FARP1: variants seen among roughly 807,000 people sequenced by gnomAD.
The protein encoded by FARP1 is FERM, ARHGEF and pleckstrin domain-containing protein 1.
In FARP1, 52 loss-of-function variants were observed where a neutral mutation model predicts 128.8. The observed-to-expected ratio is 0.40, with a 90% CI of 0.32 to 0.51. The LOEUF (loss-of-function observed/expected upper bound fraction) is 0.51. FARP1 is among the 20% of genes least tolerant of loss of function. FARP1 has a pLI of 0.45. For missense variants in FARP1, 1,333 were observed against 1,367.9 expected, an observed-to-expected ratio of 0.97 and a Z score of 0.40; for synonymous variants, 580 against 551.8, an observed-to-expected ratio of 1.05 and a Z score of -0.72.
intron 6 of FARP1, among the ~76,000 whole-genome samples, chr13:98,378,859 A>T (rs1187149372): frequency 2.1e-5 from 3 of 142,646 alleles, no homozygotes; most frequent in Non-Finnish European, 3.0e-5. Context: ...ACAAAAAAAT[A>T]GGTATCTTTA....
At chr13:98,225,449 G>A (rs1300559013) in intron 2 of FARP1, among the ~76,000 whole-genome samples, 1 of 152,070 alleles carries the variant, frequency 6.6e-6, no homozygotes, top group Non-Finnish European at 1.5e-5. Context: ...GAGAACTCTC[G>A]CTCCAAGTAC....
intron 2 of FARP1, among the ~76,000 whole-genome samples, chr13:98,243,295 C>T (rs999163835): frequency 1.7e-4 from 26 of 152,084 alleles, no homozygotes; most frequent in Non-Finnish European, 3.1e-4. Flanking sequence ...TATACCAAAG[C>T]GTGGTGCATT....
At chr13:98,260,218 G>A (rs986815790) in intron 2 of FARP1, among the ~76,000 whole-genome samples, 2 of 152,122 alleles carry the variant, frequency 1.3e-5, no homozygotes, top group African/African-American at 4.8e-5. Context: ...ATTCTAGGTA[G>A]GTGCTGCACA....
At chr13:98,322,628 A>T (rs1887048466) in intron 2 of FARP1, among the ~76,000 whole-genome samples, 1 of 152,208 alleles carries the variant, frequency 6.6e-6, no homozygotes, top group Non-Finnish European at 1.5e-5. Context: ...CATGCTCCTT[A>T]TTGGAAACAG....
At chr13:98,268,153 G>C (rs1884216881) in intron 2 of FARP1, among the ~76,000 whole-genome samples, 1 of 152,166 alleles carries the variant, frequency 6.6e-6, no homozygotes, top group Non-Finnish European at 1.5e-5. Flanking sequence ...AAAATGACAT[G>C]AAATTCACAT....
At chr13:98,258,765 A>T (rs868146338) in intron 2 of FARP1, among the ~76,000 whole-genome samples, 1 of 152,092 alleles carries the variant, frequency 6.6e-6, no homozygotes. Context: ...CTGACATCTA[A>T]TTTCTTACCC....
intron 2 of FARP1, among the ~76,000 whole-genome samples, chr13:98,336,180 T>A (rs1887734538): frequency 6.6e-6 from 1 of 152,190 alleles, no homozygotes; most frequent in Admixed American, 6.5e-5. Flanking sequence ...CAAAACATAC[T>A]CCTGCTTAAA....
At chr13:98,249,683 A>AGGT in intron 2 of FARP1, among the ~76,000 whole-genome samples, 1 of 152,174 alleles carries the variant, frequency 6.6e-6, no homozygotes, top group Non-Finnish European at 1.5e-5. Context: ...GGAGGCAGGA[A>AGGT]GGTAACAAGA....
intron 3 of FARP1, among the ~76,000 whole-genome samples, chr13:98,360,068 A>C (rs1225514689): frequency 7.0e-6 from 1 of 142,262 alleles, no homozygotes; most frequent in Non-Finnish European, 1.5e-5. Context: ...TCAGAATGTG[A>C]GTGTATTCAG....
intron 17 of FARP1, among the ~76,000 whole-genome samples, chr13:98,430,707 T>C (rs1891977319): frequency 6.6e-6 from 1 of 152,232 alleles, no homozygotes; most frequent in East Asian, 1.9e-4. Flanking sequence ...ACAGCCCTCC[T>C]TAAGGAGCTC....
chr13:98,421,327 C>T (rs1463655765), intron 16 of FARP1, among the ~76,000 whole-genome samples: 2 of 152,122 alleles, frequency 1.3e-5, no homozygotes, highest in African/African-American at 2.4e-5. Flanking sequence ...CATTCCCCAC[C>T]GCCCTCGCCC....
At chr13:98,332,111 A>G (rs7339169) in intron 2 of FARP1, among the ~76,000 whole-genome samples, 3,508 of 152,136 alleles carry the variant, frequency 0.023, 70 homozygotes, top group Middle Eastern at 0.051. Context: ...TAACCATTCT[A>G]AGTGTACAGT....
chr13:98,246,656 T>A (rs1376553243), intron 2 of FARP1, among the ~76,000 whole-genome samples: 1 of 152,098 alleles, frequency 6.6e-6, no homozygotes, highest in East Asian at 1.9e-4. Flanking sequence ...AAGTTCTTAG[T>A]CCTGGGTACT....
intron 1 of FARP1, among the ~76,000 whole-genome samples, chr13:98,160,428 A>G (rs285100): frequency 0.54 from 81,631 of 151,988 alleles, 25,161 homozygotes; most frequent in East Asian, 0.73. Flanking sequence ...ATTTCACATG[A>G]GAATGGGCTG....
chr13:98,396,140 G>A, intron 13 of FARP1: 1 of 399,236 alleles, frequency 2.5e-6, no homozygotes, highest in Admixed American at 4.4e-5. Context: ...CTTGGTGGCC[G>A]TGGGAAGTGG....
At chr13:98,279,142 A>C (rs926044569) in intron 2 of FARP1, among the ~76,000 whole-genome samples, 1 of 152,076 alleles carries the variant, frequency 6.6e-6, no homozygotes, top group Non-Finnish European at 1.5e-5. Context: ...GCCCATTTTA[A>C]TGTTTTTTAA....
chr13:98,410,754 G>A lies in FARP1; in HGVS notation c.1623G>A (p.Ala541=), dbSNP rs759172504. The A allele has an allele frequency of 1.2e-4, 188 of 1,600,464 alleles. No individual in the cohort carries two copies. Among genetic ancestry groups the A allele is most frequent in the East Asian group, 3.1e-4 (14 of 44,796 alleles). ...GRRKRFPTDK[A]YFIAKEVSTT... ...TGCAGAGATTCCCAACTGATAAAGCGTACTTCATAGCTAAGGAAGTGTCTA... is the reference window on the plus strand; with the variant it reads ...TGCAGAGATTCCCAACTGATAAAGCATACTTCATAGCTAAGGAAGTGTCTA... The change falls in exon 15 of 27, where the codon GCG becomes GCA. Residue 541 remains alanine (A), a synonymous_variant. Transcript: ENST00000319562.
chr13:98,447,748 C>G (rs1892939925), intron 26 of FARP1: 1 of 157,504 alleles, frequency 6.3e-6, no homozygotes, highest in South Asian at 1.9e-4. Flanking sequence ...CCTGGGAGGC[C>G]AAGGCTGGAG....
chr13:98,395,379 G>A lies in FARP1; in HGVS notation c.1317G>A (p.Gln439=). 1 of 1,611,876 alleles carries A rather than the reference G, an allele frequency of 6.2e-7. No homozygotes were observed. The change falls in exon 13 of 27, where the codon CAG becomes CAA. Residue 439 remains glutamine, a synonymous_variant. Coordinates refer to ENST00000319562, the MANE Select transcript of FARP1 (RefSeq NM_005766.4). The part of the protein sequence containing the change: ...APRRSPAGNK[Q]ADGAASAPTE... Reference sequence around the variant, plus strand: ...GGAGAAGCCCCGCGGGTAACAAGCAGGCGGACGGAGCCGCCTCGGCGCCCA... The same window carrying A: ...GGAGAAGCCCCGCGGGTAACAAGCAAGCGGACGGAGCCGCCTCGGCGCCCA...
Sources: allele counts gnomAD v4.1 joint callset (sites outside exome capture counted in the v4.1 genomes callset), GRCh38; gene constraint gnomAD v4.1.1; transcripts MANE v1.5; gene names NCBI Gene and HGNC (gene_info 2026-07-23, HGNC 2026-07-21).